The following GABRB1 variants were observed in gnomAD, a reference collection of about 807,000 sequenced individuals.
GABRB1 encodes gamma-aminobutyric acid type A receptor subunit beta1.
A neutral mutation model predicts 51.6 loss-of-function variants in GABRB1; 17 were observed. The observed-to-expected ratio is 0.33, with a 90% CI of 0.23 to 0.49. The LOEUF is 0.49. Among genes scored for constraint, GABRB1 ranks in the 20% least tolerant of loss-of-function variants. The pLI is 0.99. For missense variants in GABRB1, 410 were observed against 600.6 expected, an observed-to-expected ratio of 0.68 and a Z score of 3.32; for synonymous variants, 247 against 218.9, an observed-to-expected ratio of 1.13 and a Z score of -1.14.
At chr4:47,362,637 A>T (rs1220559452) in intron 5 of GABRB1, among the ~76,000 whole-genome samples, 1 of 152,110 alleles carries the variant, frequency 6.6e-6, no homozygotes, top group Non-Finnish European at 1.5e-5. Context: ...TCATGTATGC[A>T]CTCAGAGGAC....
intron 4 of GABRB1, among the ~76,000 whole-genome samples, chr4:47,205,245 G>A (rs1720067797): frequency 6.6e-6 from 1 of 152,100 alleles, no homozygotes; most frequent in African/African-American, 2.4e-5. Context: ...ATAGAAAGAA[G>A]GCACTAATAT....
intron 3 of GABRB1, among the ~76,000 whole-genome samples, chr4:47,054,986 G>A (rs1726526291): frequency 6.6e-6 from 1 of 152,180 alleles, no homozygotes; most frequent in Non-Finnish European, 1.5e-5. Context: ...AACCACAATA[G>A]AAGACATAGA....
rs185891742 is a variant in GABRB1 at position 47,318,832 on chromosome 4, C to T, written c.462-1295C>T. On this transcript the variant is annotated intron_variant, in intron 4 of 8. Coordinates refer to ENST00000295454, the MANE Select transcript of GABRB1 (RefSeq NM_000812.4). Reference sequence around the variant, plus strand: ...GAACTTTTAAAAATGTAACGGTCCTCCCCATAAAGTGTAATCATAAGTTAA... The same window carrying T: ...GAACTTTTAAAAATGTAACGGTCCTTCCCATAAAGTGTAATCATAAGTTAA... Among the ~76,000 whole-genome samples, 341 of 152,158 alleles carry T rather than the reference C, an allele frequency of 2.2e-3. 1 individual carries two copies. Among genetic ancestry groups the T allele is most frequent in the African/African-American group, 7.9e-3 (330 of 41,528 alleles).
intron 4 of GABRB1, among the ~76,000 whole-genome samples, chr4:47,300,940 T>C (rs1328791371): frequency 1.3e-5 from 2 of 152,206 alleles, no homozygotes; most frequent in African/African-American, 4.8e-5. Flanking sequence ...CCAAAGAGTA[T>C]GGAAATCTTA....
intron 3 of GABRB1, among the ~76,000 whole-genome samples, chr4:47,092,329 C>T (rs1005096895): frequency 1.2e-4 from 18 of 151,464 alleles, no homozygotes; most frequent in African/African-American, 1.5e-4. Flanking sequence ...CACACCACCA[C>T]GCCTGGACAA....
At chr4:47,272,649 A>G (rs1445935711) in intron 4 of GABRB1, among the ~76,000 whole-genome samples, 1 of 152,186 alleles carries the variant, frequency 6.6e-6, no homozygotes, top group African/African-American at 2.4e-5. Context: ...TACTTTAGGT[A>G]TTCCTCTGTC....
chr4:47,395,551 A>C lies in GABRB1; in HGVS notation c.545-7767A>C, dbSNP rs142856212. On this transcript the variant is annotated intron_variant, in intron 5 of 8. Transcript: ENST00000295454. Reference sequence around the variant, plus strand: ...CCAAACCATATCACTCCCTGCTCATAAAATTCTTTCTTAATAAACCCCATT... The same window carrying C: ...CCAAACCATATCACTCCCTGCTCATCAAATTCTTTCTTAATAAACCCCATT... Among the ~76,000 whole-genome samples, 93 of 152,262 alleles carry C rather than the reference A, an allele frequency of 6.1e-4. No individual in the cohort carries two copies. In the East Asian group the frequency reaches 0.014, roughly 24 times the overall value.
chr4:47,193,993 C>T (rs138490863), intron 4 of GABRB1, among the ~76,000 whole-genome samples: 2 of 152,266 alleles, frequency 1.3e-5, no homozygotes, highest in Non-Finnish European at 2.9e-5. Context: ...AAATAAGATA[C>T]AGTACATGTT....
chr4:47,292,041 G>A (rs1275686002), intron 4 of GABRB1, among the ~76,000 whole-genome samples: 1 of 152,184 alleles, frequency 6.6e-6, no homozygotes, highest in Non-Finnish European at 1.5e-5. Context: ...GATAAGGTTT[G>A]GTTTTGTCCC....
At chr4:47,324,930 T>C (rs1725205006) in intron 5 of GABRB1, among the ~76,000 whole-genome samples, 1 of 152,234 alleles carries the variant, frequency 6.6e-6, no homozygotes, top group African/African-American at 2.4e-5. Flanking sequence ...GTATCATCTA[T>C]TCTACTTGCA....
At chr4:47,046,707 C>T (rs1015063449) in intron 3 of GABRB1, among the ~76,000 whole-genome samples, 5 of 151,686 alleles carry the variant, frequency 3.3e-5, no homozygotes, top group African/African-American at 1.2e-4. Context: ...ATTAGGAAAT[C>T]TGTAACAATA....
intron 3 of GABRB1, among the ~76,000 whole-genome samples, chr4:47,086,914 G>A (rs981647370): frequency 1.3e-5 from 2 of 152,170 alleles, no homozygotes; most frequent in Non-Finnish European, 2.9e-5. Flanking sequence ...TAATTCTGCT[G>A]CAAAGTGTCA....
chr4:47,161,360 G>A lies in GABRB1; in HGVS notation c.352G>A (p.Val118Ile), dbSNP rs1185919469. The change falls in exon 4 of 9, where the codon GTA becomes ATA. Residue 118 changes from valine (V) to isoleucine (I), a missense_variant. Val to Ile is a conservative substitution (Grantham distance 29). Transcript: ENST00000295454. ...LDNRVADQLW[V>I]PDTYFLNDKK... ...CAATAGGGTAGCTGACCAACTCTGG[G>A]TACCAGACACCTACTTTCTGAATGA... 6.2e-7 allele frequency: 1 copy of A among 1,612,674 alleles called. No individual in the cohort carries two copies. Among genetic ancestry groups the A allele is most frequent in the Non-Finnish European group, 8.5e-7 (1 of 1,179,192 alleles).
chr4:47,065,984 T>G (rs1246757536), intron 3 of GABRB1, among the ~76,000 whole-genome samples: 1 of 152,188 alleles, frequency 6.6e-6, no homozygotes, highest in African/African-American at 2.4e-5. Context: ...CTGAGACTTG[T>G]ATCTCAGAAA....
chr4:47,350,214 T>TAGAGAGAG (rs1477528549), intron 5 of GABRB1, among the ~76,000 whole-genome samples: 162 of 79,652 alleles, frequency 2.0e-3, no homozygotes, highest in East Asian at 9.5e-3. Context: ...TATATATATA[T>TAGAGAGAG]ATATAGAGAG....
intron 8 of GABRB1, among the ~76,000 whole-genome samples, chr4:47,417,277 G>GT (rs1026397490): frequency 1.1e-4 from 17 of 151,670 alleles, no homozygotes; most frequent in African/African-American, 3.9e-4. Flanking sequence ...TTTGTTTTTT[G>GT]TTTTTTTCCT....
At chr4:47,393,667 C>A (rs1376114287) in intron 5 of GABRB1, among the ~76,000 whole-genome samples, 3 of 152,184 alleles carry the variant, frequency 2.0e-5, no homozygotes, top group African/African-American at 4.8e-5. Context: ...TGACATCATC[C>A]AACCTTTATA....
intron 4 of GABRB1, among the ~76,000 whole-genome samples, chr4:47,299,341 C>G (rs1476741745): frequency 6.6e-6 from 1 of 152,146 alleles, no homozygotes; most frequent in African/African-American, 2.4e-5. Context: ...ACCTACTCAT[C>G]TGACAAAGGG....
At chr4:47,035,301 T>TAAAACA (rs1209083435) in intron 3 of GABRB1, among the ~76,000 whole-genome samples, 3 of 152,138 alleles carry the variant, frequency 2.0e-5, no homozygotes, top group African/African-American at 7.2e-5. Context: ...TTAAGTGTTT[T>TAAAACA]CTTAATTTTT....
Sources: allele counts gnomAD v4.1 joint callset (sites outside exome capture counted in the v4.1 genomes callset), GRCh38; gene constraint gnomAD v4.1.1; transcripts MANE v1.5; gene names NCBI Gene and HGNC (gene_info 2026-07-23, HGNC 2026-07-21).